Variants in FRMD5 observed in about 807,000 individuals in gnomAD.
FRMD5 encodes the protein FERM domain containing 5.
A neutral mutation model predicts 69.0 loss-of-function variants in FRMD5; 20 were observed. The observed-to-expected ratio is 0.29, with a 90% CI of 0.20 to 0.42. The LOEUF (loss-of-function observed/expected upper bound fraction) is 0.42. Among genes scored for constraint, FRMD5 ranks in the 10% least tolerant of loss-of-function variants. The pLI is 1.00. For synonymous variants in FRMD5, 271 were observed against 260.1 expected (o/e 1.04, Z -0.40); for missense variants, 595 against 708.6 (o/e 0.84, Z 1.82).
At chr15:44,187,589 A>G (rs1199892964) in intron 1 of FRMD5, among the ~76,000 whole-genome samples, 1 of 146,562 alleles carries the variant, frequency 6.8e-6, no homozygotes, top group African/African-American at 2.5e-5. Context: ...TTTTTAGGAG[A>G]CAGCGTTTCC....
intron 1 of FRMD5, among the ~76,000 whole-genome samples, chr15:43,926,855 G>A (rs146763311): frequency 1.1e-3 from 169 of 149,810 alleles, no homozygotes; most frequent in Admixed American, 3.3e-3. Context: ...AACCCAATGT[G>A]TGGCTGGATT....
chr15:44,014,709 C>G (rs970144414), intron 1 of FRMD5, among the ~76,000 whole-genome samples: 4 of 151,934 alleles, frequency 2.6e-5, no homozygotes, highest in Admixed American at 1.3e-4. Flanking sequence ...TGCACTCCAG[C>G]CTGGGTGACA....
intron 1 of FRMD5, among the ~76,000 whole-genome samples, chr15:44,059,451 A>G (rs1893002123): frequency 6.6e-6 from 1 of 152,234 alleles, no homozygotes; most frequent in African/African-American, 2.4e-5. Context: ...TAATAAATAC[A>G]AAAACTAAAT....
At chr15:43,998,076 T>C (rs1167446259) in intron 1 of FRMD5, among the ~76,000 whole-genome samples, 1 of 152,188 alleles carries the variant, frequency 6.6e-6, no homozygotes, top group Non-Finnish European at 1.5e-5. Context: ...ATAATTAACA[T>C]CTTCAACTGG....
chr15:44,146,239 G>T (rs2077353302), intron 1 of FRMD5, among the ~76,000 whole-genome samples: 2 of 152,086 alleles, frequency 1.3e-5, no homozygotes, highest in Non-Finnish European at 2.9e-5. Flanking sequence ...ACTTGTAAGT[G>T]AGAACATGTG....
At chr15:44,018,551 A>C (rs1891069964) in intron 1 of FRMD5, among the ~76,000 whole-genome samples, 1 of 152,140 alleles carries the variant, frequency 6.6e-6, no homozygotes, top group African/African-American at 2.4e-5. Flanking sequence ...TCCTGTCACT[A>C]AGTTCTCAAT....
At chr15:44,128,063 C>T (rs2077047483) in intron 1 of FRMD5, among the ~76,000 whole-genome samples, 1 of 152,128 alleles carries the variant, frequency 6.6e-6, no homozygotes, top group African/African-American at 2.4e-5. Context: ...TTCGCCCCCA[C>T]CGTACAGACA....
At chr15:44,174,974 T>C (rs1005090870) in intron 1 of FRMD5, among the ~76,000 whole-genome samples, 1 of 152,080 alleles carries the variant, frequency 6.6e-6, no homozygotes, top group Non-Finnish European at 1.5e-5. Context: ...AAAACCTAGA[T>C]GACAGGTTGA....
chr15:43,904,698 T>G (rs895798755), intron 6 of FRMD5, among the ~76,000 whole-genome samples: 1 of 112,358 alleles, frequency 8.9e-6, no homozygotes, highest in East Asian at 3.7e-4. Flanking sequence ...TTCTATATCC[T>G]TTTTCCTCAT....
intron 1 of FRMD5, among the ~76,000 whole-genome samples, chr15:44,154,508 A>G (rs2077496598): frequency 6.6e-6 from 1 of 152,232 alleles, no homozygotes; most frequent in Non-Finnish European, 1.5e-5. Context: ...CCTATGCAAC[A>G]GTATAAAATA....
chr15:44,063,734 T>G (rs1385167582), intron 1 of FRMD5: 3 of 333,154 alleles, frequency 9.0e-6, no homozygotes, highest in East Asian at 9.0e-5. Flanking sequence ...AATGCCATCA[T>G]CATCTTCCAA....
intron 1 of FRMD5, chr15:44,063,877 G>C: frequency 3.6e-6 from 1 of 275,754 alleles, no homozygotes; most frequent in Non-Finnish European, 7.0e-6. Context: ...CATCATCTCT[G>C]CCCCCTCTGT....
chr15:44,092,313 C>T (rs1254905430), intron 1 of FRMD5, among the ~76,000 whole-genome samples: 1 of 152,154 alleles, frequency 6.6e-6, no homozygotes. Flanking sequence ...CCATATTCAC[C>T]TCCAAATTGG....
intron 1 of FRMD5, among the ~76,000 whole-genome samples, chr15:44,023,545 T>G (rs1891304334): frequency 1.3e-5 from 2 of 152,158 alleles, no homozygotes; most frequent in Non-Finnish European, 2.9e-5. Flanking sequence ...ATTTATTTCT[T>G]TTAAAGAAAT....
intron 1 of FRMD5, among the ~76,000 whole-genome samples, chr15:43,950,396 A>T (rs771045828): frequency 6.6e-6 from 1 of 152,240 alleles, no homozygotes; most frequent in Non-Finnish European, 1.5e-5. Context: ...TAAAACACGC[A>T]TTCACATAGA....
chr15:44,044,910 T>TA (rs543764815), intron 1 of FRMD5, among the ~76,000 whole-genome samples: 27 of 151,744 alleles, frequency 1.8e-4, no homozygotes, highest in South Asian at 6.2e-4. Flanking sequence ...TTAAAGTATT[T>TA]AAAAAAAAAT....
chr15:44,038,804 AG>A (rs1892047045), intron 1 of FRMD5, among the ~76,000 whole-genome samples: 1 of 152,000 alleles, frequency 6.6e-6, no homozygotes, highest in Admixed American at 6.6e-5. Flanking sequence ...CTGTACCGGG[AG>A]GAACAGTGCA....
At chr15:44,103,779 TACAACATTTTGGTCAAC>T in intron 1 of FRMD5, among the ~76,000 whole-genome samples, 1 of 152,344 alleles carries the variant, frequency 6.6e-6, no homozygotes, top group South Asian at 2.1e-4. Context: ...ATGCAGCTCA[TACAACATTTTGGTCAAC>T]AATGGATCTC....
chr15:43,979,888 T>C (rs1053725839), intron 1 of FRMD5, among the ~76,000 whole-genome samples: 2 of 152,106 alleles, frequency 1.3e-5, no homozygotes, highest in African/African-American at 4.8e-5. Context: ...AGAAGCAACA[T>C]AGAAGTCGGG....
Sources: allele counts gnomAD v4.1 joint callset (sites outside exome capture counted in the v4.1 genomes callset), GRCh38; gene constraint gnomAD v4.1.1; transcripts MANE v1.5; gene names NCBI Gene and HGNC (gene_info 2026-07-23, HGNC 2026-07-21).